SULF2: variants seen among roughly 807,000 people sequenced by gnomAD.
The protein encoded by SULF2 is sulfatase 2.
SULF2 carries 52 observed loss-of-function variants against 107.7 expected under a neutral mutation model. The observed-to-expected ratio is 0.48, with a 90% CI of 0.39 to 0.61. The LOEUF (loss-of-function observed/expected upper bound fraction) is 0.61, where lower values mean the gene tolerates loss of function less well. Ranked by LOEUF, SULF2 falls within the 20% of genes least tolerant of loss-of-function variation. SULF2 has a pLI of 0.00. For synonymous variants in SULF2, 460 were observed against 464.3 expected, an observed-to-expected ratio of 0.99 and a Z score of 0.12; for missense variants, 993 against 1,177.3, an observed-to-expected ratio of 0.84 and a Z score of 2.29.
chr20:47,665,284 G>C lies in SULF2; in HGVS notation c.1912C>G (p.Leu638Val), dbSNP rs1173602723. Residue 638 changes from leucine to valine, a missense_variant, in exon 14 of 21, where the codon CTG becomes GTG. This residue lies in a region of SULF2 where 497 missense variants were observed against 544.1 expected (regional missense o/e 0.91). Transcript: ENST00000688720. ...CTCAGGTTCTTAATTTTGTTCTGCA[G>C]GGTTTCAATCTGAGGGAGGGGCAGA... ...KLHIDHEIETLQNKIKNLREV... is the reference protein window; with the variant it reads ...KLHIDHEIETVQNKIKNLREV... 1.2e-6 allele frequency: 2 copies of C among 1,612,116 alleles called. No homozygotes were observed. Among genetic ancestry groups the C allele is most frequent in the Non-Finnish European group, 1.7e-6 (2 of 1,178,260 alleles).
intron 7 of SULF2, among the ~76,000 whole-genome samples, chr20:47,682,592 T>C (rs34911493): frequency 0.017 from 2,628 of 152,254 alleles, 30 homozygotes; most frequent in Non-Finnish European, 0.026. Flanking sequence ...CAGAGTTGGC[T>C]CAGCTGATCC....
At chr20:47,747,396 C>T (rs1371510382) in intron 2 of SULF2, among the ~76,000 whole-genome samples, 1 of 152,078 alleles carries the variant, frequency 6.6e-6, no homozygotes, top group Non-Finnish European at 1.5e-5. Flanking sequence ...TTTCTGCTGC[C>T]TCTGGTTGCA....
intron 13 of SULF2, 94 bp from the exon 14 acceptor site, chr20:47,665,387 C>T (rs567382672): frequency 2.8e-5 from 24 of 870,322 alleles, no homozygotes; most frequent in Non-Finnish European, 4.1e-5. Context: ...CGTGTCTGTG[C>T]TCAGCAGCGG....
At chr20:47,758,331 G>A (rs947309693) in intron 1 of SULF2, among the ~76,000 whole-genome samples, 26 of 151,922 alleles carry the variant, frequency 1.7e-4, no homozygotes, top group African/African-American at 5.6e-4. Context: ...CACCACGCCC[G>A]GCTAATTTTT....
chr20:47,668,733 G>A (rs1221603987), intron 11 of SULF2, among the ~76,000 whole-genome samples: 1 of 152,202 alleles, frequency 6.6e-6, no homozygotes, highest in Admixed American at 6.5e-5. Context: ...GACTCTGCCT[G>A]CAGCTGACGT....
chr20:47,659,633 T>C, intron 19 of SULF2, 64 bp downstream of exon 19: 1 of 1,471,290 alleles, frequency 6.8e-7, no homozygotes, highest in Non-Finnish European at 9.5e-7. Flanking sequence ...CTCACAGAGA[T>C]GAGACTGAAG....
At chr20:47,704,589 AATAATT>A (rs1220632865) in intron 3 of SULF2, among the ~76,000 whole-genome samples, 1 of 152,156 alleles carries the variant, frequency 6.6e-6, no homozygotes. Flanking sequence ...TATAATTTTT[AATAATT>A]ATAATCTATA....
intron 2 of SULF2, among the ~76,000 whole-genome samples, chr20:47,741,159 C>G (rs778419938): frequency 6.6e-6 from 1 of 152,176 alleles, no homozygotes; most frequent in Non-Finnish European, 1.5e-5. Flanking sequence ...TCTCCTGACA[C>G]TCTCCGGGGC....
intron 1 of SULF2, among the ~76,000 whole-genome samples, chr20:47,758,219 A>G (rs1388358577): frequency 2.3e-5 from 3 of 130,442 alleles, no homozygotes; most frequent in African/African-American, 8.8e-5. Flanking sequence ...CTCAGGCTGG[A>G]GTGCAATGAC....
chr20:47,729,331 G>A (rs1443082826), intron 3 of SULF2, among the ~76,000 whole-genome samples: 1 of 152,158 alleles, frequency 6.6e-6, no homozygotes, highest in Non-Finnish European at 1.5e-5. Flanking sequence ...GTAGGTGGGA[G>A]CCAAGGAGGG....
Position 47,684,579 on chromosome 20 carries a change from G to T in SULF2, c.740C>A (p.Thr247Lys). ...GTTGGGCGCGTAGTTGTAGCTCGGC[G>T]TGCTGGTGGGCAAGGACATACACAT... Reference protein sequence around the residue: ...RLFPNASQHITPSYNYAPNPD... With the variant: ...RLFPNASQHIKPSYNYAPNPD... Residue 247 changes from threonine (T) to lysine (K), a missense_variant and splice_region_variant, in exon 6 of 21, where the codon ACG becomes AAG. By Grantham distance (78) the Thr-to-Lys change is moderately conservative. Around this residue, in one of 3 missense-constraint regions of SULF2, gnomAD observed 388 missense variants for 449.2 expected, o/e 0.86. Coordinates refer to ENST00000688720, the MANE Select transcript of SULF2 (RefSeq NM_001387048.1). 2 of 1,613,482 alleles carry T rather than the reference G, an allele frequency of 1.2e-6. No homozygotes were observed. Among genetic ancestry groups the T allele is most frequent in the Non-Finnish European group, 1.7e-6 (2 of 1,179,688 alleles).
At position 47,694,967 on chromosome 20, in the gene SULF2, A is replaced by G; in HGVS notation, c.568-4672T>C. On this transcript the variant is annotated intron_variant, in intron 4 of 20. Coordinates refer to ENST00000688720, the MANE Select transcript of SULF2 (RefSeq NM_001387048.1). This position sits in a 1 kb window ranked among gnomAD's most constrained non-coding sequence, Gnocchi z 4.4. ...AAATAAGCCATGCATCCAGAGCTGG[A>G]GCCAAGGCCTTTGTATTTTTGGGTC... is the stretch of plus-strand genomic sequence containing the variant. Among the ~76,000 whole-genome samples, 1 of 152,224 alleles carries G rather than the reference A, an allele frequency of 6.6e-6. No homozygotes were observed. Among genetic ancestry groups the G allele is most frequent in the East Asian group, 1.9e-4 (1 of 5,204 alleles).
rs748439239 is a variant in SULF2, at chr20:47,678,823, C to T, written c.1065-19G>A. 4.3e-6 allele frequency: 7 copies of T among 1,610,700 alleles called. No homozygotes were observed. Among genetic ancestry groups the T allele is most frequent in the African/African-American group, 1.3e-5 (1 of 74,944 alleles). On this transcript the variant is annotated intron_variant, in intron 7 of 20. Coordinates refer to ENST00000688720, the MANE Select transcript of SULF2 (RefSeq NM_001387048.1). This position sits in a 1 kb window ranked among gnomAD's most constrained non-coding sequence, Gnocchi z 4.5. ...GGGATTCCTGGGGGAGGCAGGAGATCGGGGACTCAGTCACTCAGGTGGTGG... is the reference window on the plus strand; with the variant it reads ...GGGATTCCTGGGGGAGGCAGGAGATTGGGGACTCAGTCACTCAGGTGGTGG...
chr20:47,732,726 C>T (rs559207898), intron 3 of SULF2, among the ~76,000 whole-genome samples: 1 of 152,266 alleles, frequency 6.6e-6, no homozygotes, highest in East Asian at 1.9e-4. Context: ...ACCTGTAATC[C>T]TAGTTAGTGG....
At chr20:47,671,286 A>G (rs1448207023) in intron 11 of SULF2, among the ~76,000 whole-genome samples, 1 of 152,094 alleles carries the variant, frequency 6.6e-6, no homozygotes, top group Non-Finnish European at 1.5e-5. Flanking sequence ...ACTATAGTCT[A>G]TTTTTGTTCT....
intron 4 of SULF2, among the ~76,000 whole-genome samples, chr20:47,690,820 G>A (rs533185525): frequency 4.4e-4 from 66 of 148,390 alleles, no homozygotes; most frequent in East Asian, 1.2e-3. Flanking sequence ...AGTGAGCCAC[G>A]ACTGCATGAT....
intron 3 of SULF2, among the ~76,000 whole-genome samples, chr20:47,707,952 G>A (rs921956249): frequency 5.9e-5 from 9 of 152,184 alleles, no homozygotes; most frequent in African/African-American, 1.9e-4. Context: ...CAGAATCAGT[G>A]TACCTGGGCA....
intron 1 of SULF2, among the ~76,000 whole-genome samples, chr20:47,779,699 T>C (rs1251935837): frequency 1.3e-5 from 2 of 152,192 alleles, no homozygotes; most frequent in African/African-American, 4.8e-5. Flanking sequence ...CTCCACCTCC[T>C]GGGTTCAAAC....
rs962899298 is a variant in SULF2, at chr20:47,785,481, T to C, written c.-239A>G. 11 of 155,294 alleles carry C rather than the reference T, an allele frequency of 7.1e-5. No homozygotes were observed. The highest frequency in any genetic ancestry group is 1.8e-4 in the South Asian group (1 of 5,658). 9.6% of individuals were successfully genotyped at this position (155,294 alleles called of 1,614,324 possible). ...CCGCCGCCGCCGCCGCTGCCGCTGC[T>C]GCATCCCCCGGCGAGCGCTGCTGCT... On this transcript the variant is annotated 5_prime_UTR_variant, in exon 1 of 21. Coordinates refer to ENST00000688720, the MANE Select transcript of SULF2 (RefSeq NM_001387048.1).
Sources: gnomAD v4.1 joint callset for allele counts (sites outside exome capture counted in the v4.1 genomes callset) on GRCh38, gnomAD v4.1.1 for gene constraint, gnomAD v4.1.1 regional missense constraint, Gnocchi (gnomAD v3.1) non-coding constraint, MANE v1.5 for transcripts, NCBI Gene and HGNC (gene_info 2026-07-23, HGNC 2026-07-21) for gene names.